LGR5: variants seen among roughly 807,000 people sequenced by gnomAD.
LGR5 encodes the protein leucine-rich repeat-containing G protein-coupled receptor 5.
Under a neutral mutation model 76.7 loss-of-function variants are expected in LGR5, and 54 were observed. The observed-to-expected ratio is 0.70, with a 90% CI of 0.57 to 0.88. LGR5 has a LOEUF of 0.88. Among genes scored for constraint, LGR5 ranks in the 40% least tolerant of loss-of-function variants. The pLI is 0.00. For synonymous variants in LGR5, 406 were observed against 421.9 expected, an observed-to-expected ratio of 0.96 and a Z score of 0.46; for missense variants, 1,078 against 1,073.3, an observed-to-expected ratio of 1.00 and a Z score of -0.06.
At chr12:71,533,122 A>T (rs1028516769) in intron 3 of LGR5, among the ~76,000 whole-genome samples, 1 of 152,072 alleles carries the variant, frequency 6.6e-6, no homozygotes, top group African/African-American at 2.4e-5. Flanking sequence ...AGGTGGGAGG[A>T]TCACTTGAGG....
intron 4 of LGR5, among the ~76,000 whole-genome samples, chr12:71,546,383 T>C (rs1364266970): frequency 3.3e-5 from 5 of 151,786 alleles, no homozygotes; most frequent in African/African-American, 1.2e-4. Context: ...TAGAACACAT[T>C]GATATGACAG....
At chr12:71,562,482 G>A (rs1376460238) in intron 8 of LGR5, among the ~76,000 whole-genome samples, 1 of 152,216 alleles carries the variant, frequency 6.6e-6, no homozygotes, top group Non-Finnish European at 1.5e-5. Flanking sequence ...GGCCAATGCA[G>A]GAGGATCACT....
At chr12:71,512,453 A>C (rs1875203847) in intron 2 of LGR5, among the ~76,000 whole-genome samples, 1 of 152,256 alleles carries the variant, frequency 6.6e-6, no homozygotes, top group Non-Finnish European at 1.5e-5. Context: ...TTGAATATGC[A>C]TTAGAATCGC....
At chr12:71,533,587 C>T (rs1237922512) in intron 3 of LGR5, among the ~76,000 whole-genome samples, 1 of 152,132 alleles carries the variant, frequency 6.6e-6, no homozygotes, top group Non-Finnish European at 1.5e-5. Flanking sequence ...CAACCAATGG[C>T]ATAGAGTTTT....
At chr12:71,447,259 G>A (rs562764317) in intron 1 of LGR5, among the ~76,000 whole-genome samples, 3 of 152,312 alleles carry the variant, frequency 2.0e-5, no homozygotes, top group South Asian at 2.1e-4. Flanking sequence ...ACAGACTTAT[G>A]TGTCAATTAG....
intron 2 of LGR5, among the ~76,000 whole-genome samples, chr12:71,519,585 G>A (rs1875624816): frequency 6.6e-6 from 1 of 151,794 alleles, no homozygotes; most frequent in Admixed American, 6.6e-5. Flanking sequence ...AATCGCTTGA[G>A]TTCAGGAATT....
At chr12:71,502,175 G>A (rs1874636856) in intron 1 of LGR5, among the ~76,000 whole-genome samples, 1 of 149,582 alleles carries the variant, frequency 6.7e-6, no homozygotes, top group Non-Finnish European at 1.5e-5. Flanking sequence ...ATTCCTGTTG[G>A]AAAAGATAGG....
In LGR5 at chr12:71,504,611, C is replaced by CA. The variant is rs1565700928; in HGVS notation, c.213-2dup. Reference sequence around the variant, plus strand: ...CTCACACGCTGTCTGTTTTCCCCCCCAGAGACCTCAGTATGAACAACATCA... The same window carrying CA: ...CTCACACGCTGTCTGTTTTCCCCCCCAAGAGACCTCAGTATGAACAACATCA... On this transcript the variant is annotated splice_polypyrimidine_tract_variant and splice_region_variant and intron_variant, in intron 1 of 17. Coordinates refer to ENST00000266674, the MANE Select transcript of LGR5 (RefSeq NM_003667.4). 4 of 1,613,610 alleles carry CA rather than the reference C, an allele frequency of 2.5e-6. No individual in the cohort carries two copies. In the Admixed American group the frequency reaches 5.0e-5, roughly 20 times the overall value.
chr12:71,457,497 A>G (rs1322354666), intron 1 of LGR5, among the ~76,000 whole-genome samples: 1 of 152,168 alleles, frequency 6.6e-6, no homozygotes, highest in Non-Finnish European at 1.5e-5. Context: ...GGAGCTAAAT[A>G]CATCTTTTCT....
intron 4 of LGR5, among the ~76,000 whole-genome samples, chr12:71,542,416 T>C (rs79767317): frequency 0.015 from 2,335 of 152,144 alleles, 67 homozygotes; most frequent in African/African-American, 0.054. Context: ...CCTTGAAAGA[T>C]ATTTGGGACA....
intron 4 of LGR5, among the ~76,000 whole-genome samples, chr12:71,550,390 C>T (rs921178879): frequency 1.3e-5 from 2 of 151,022 alleles, no homozygotes; most frequent in Non-Finnish European, 2.9e-5. Flanking sequence ...ACCTCTGTCT[C>T]CCTAAGTTCT....
chr12:71,547,733 A>G (rs188434808), intron 4 of LGR5, among the ~76,000 whole-genome samples: 1 of 152,138 alleles, frequency 6.6e-6, no homozygotes, highest in East Asian at 1.9e-4. Context: ...TTTCCAGTTT[A>G]CCACATGGTA....
chr12:71,445,958 G>A (rs1871970110), intron 1 of LGR5, among the ~76,000 whole-genome samples: 1 of 152,212 alleles, frequency 6.6e-6, no homozygotes, highest in African/African-American at 2.4e-5. Flanking sequence ...CTTCCTGAAA[G>A]TCAGATGGAA....
At chr12:71,446,636 C>G (rs1012936490) in intron 1 of LGR5, among the ~76,000 whole-genome samples, 1 of 152,170 alleles carries the variant, frequency 6.6e-6, no homozygotes, top group African/African-American at 2.4e-5. Context: ...CCCAAGAAAA[C>G]AGGCTTTCCA....
intron 5 of LGR5, among the ~76,000 whole-genome samples, chr12:71,555,975 C>G (rs1183977234): frequency 6.6e-6 from 1 of 152,082 alleles, no homozygotes; most frequent in Non-Finnish European, 1.5e-5. Context: ...ACATATACAC[C>G]ATGGAATACT....
At chr12:71,571,221 C>A in intron 11 of LGR5, 1 of 210,332 alleles carries the variant, frequency 4.8e-6, no homozygotes. Flanking sequence ...GTTCTCATTG[C>A]AGTAAGATAA....
At chr12:71,553,309 T>C (rs758044947) in intron 5 of LGR5, 21 bp downstream of exon 5, 5 of 1,598,954 alleles carry the variant, frequency 3.1e-6, no homozygotes, top group Admixed American at 1.7e-5. Context: ...TTGATTTTGC[T>C]CTCTTTTAAC....
At chr12:71,571,946 G>A (rs1246316684) in intron 12 of LGR5, among the ~76,000 whole-genome samples, 1 of 152,086 alleles carries the variant, frequency 6.6e-6, no homozygotes, top group Admixed American at 6.6e-5. Context: ...ACTTGGGTTT[G>A]TTGGTGTGTT....
intron 4 of LGR5, among the ~76,000 whole-genome samples, chr12:71,538,102 C>A (rs1876693620): frequency 6.6e-6 from 1 of 152,128 alleles, no homozygotes; most frequent in South Asian, 2.1e-4. Flanking sequence ...ATGGCAAAAA[C>A]CACATTTACT....
Sources: allele counts gnomAD v4.1 joint callset (sites outside exome capture counted in the v4.1 genomes callset), GRCh38; gene constraint gnomAD v4.1.1; transcripts MANE v1.5; gene names NCBI Gene and HGNC (gene_info 2026-07-23, HGNC 2026-07-21).